Variants in CACNA1C observed in about 807,000 individuals in gnomAD.
The protein encoded by CACNA1C is voltage-dependent L-type calcium channel subunit alpha-1C.
CACNA1C carries 30 observed loss-of-function variants against 229.0 expected under a neutral mutation model. The ratio of observed to expected loss-of-function variants is 0.13; its 90% CI spans 0.10 to 0.18. The LOEUF (loss-of-function observed/expected upper bound fraction) is 0.18, where lower values mean the gene tolerates loss of function less well. CACNA1C is among the 10% of genes least tolerant of loss of function. The probability of loss-of-function intolerance (pLI) is 1.00; values close to 1 mark genes in which losing one functional copy is unlikely to be tolerated. For missense variants in CACNA1C, 1,658 were observed against 2,845.0 expected, an observed-to-expected ratio of 0.58 and a Z score of 9.49; for synonymous variants, 1,114 against 1,132.5, an observed-to-expected ratio of 0.98 and a Z score of 0.33.
At chr12:2,245,417 G>C (rs1220232306) in intron 3 of CACNA1C, among the ~76,000 whole-genome samples, 1 of 152,208 alleles carries the variant, frequency 6.6e-6, no homozygotes, top group Non-Finnish European at 1.5e-5. Flanking sequence ...TCTGAGCAGT[G>C]TGTTTCAGGT....
Position 2,488,851 on chromosome 12 carries a change from G to T in CACNA1C, c.916+2589G>T, listed in dbSNP as rs536920590. Among the ~76,000 whole-genome samples the T allele has an allele frequency of 6.6e-6, 1 of 152,144 alleles. No individual in the cohort carries two copies. Among genetic ancestry groups the T allele is most frequent in the Admixed American group, 6.5e-5 (1 of 15,282 alleles). On this transcript the variant is annotated intron_variant, in intron 6 of 46. Coordinates refer to ENST00000399655, the MANE Select transcript of CACNA1C (RefSeq NM_000719.7). The surrounding 1 kb of genome is among the most constrained non-coding windows in gnomAD (Gnocchi z 4.0). ...GCAATCAGGAGCTTGCTGTCCCTTC[G>T]TTCCCAAACCTGCCGTCTGATCACA...
chr12:2,589,062 C>T lies in CACNA1C; in HGVS notation c.2530+3158C>T, dbSNP rs541767307. On this transcript the variant is annotated intron_variant, in intron 18 of 46. Transcript: ENST00000399655. ...GAGGCTGAAGGAGTTTTTTCAGGAT[C>T]GTACAATCATCAGAGATGCTGAGAG... Among the ~76,000 whole-genome samples the T allele has an allele frequency of 1.8e-3, 273 of 152,160 alleles. 2 individuals are homozygous for T. The highest frequency in any genetic ancestry group is 6.3e-3 in the African/African-American group (263 of 41,514).
chr12:2,398,360 T>C (rs986995032), intron 3 of CACNA1C, among the ~76,000 whole-genome samples: 4 of 152,240 alleles, frequency 2.6e-5, no homozygotes, highest in South Asian at 4.1e-4. Context: ...TTTTCATCTC[T>C]AAATATAAAG....
At chr12:2,623,947 C>T (rs551121829) in intron 29 of CACNA1C, among the ~76,000 whole-genome samples, 148 of 152,280 alleles carry the variant, frequency 9.7e-4, no homozygotes, top group South Asian at 3.5e-3. Flanking sequence ...CCATCCGTGC[C>T]GTGCTCAGCA....
intron 27 of CACNA1C, among the ~76,000 whole-genome samples, chr12:2,609,220 C>T (rs1183307191): frequency 6.6e-6 from 1 of 152,100 alleles, no homozygotes; most frequent in Non-Finnish European, 1.5e-5. Context: ...AGTATCGTGA[C>T]AGGTTCTGTT....
Position 2,566,660 on chromosome 12 carries a change from G to C in CACNA1C, c.1669+78G>C. On this transcript the variant is annotated intron_variant, in intron 12 of 46. Coordinates refer to ENST00000399655, the MANE Select transcript of CACNA1C (RefSeq NM_000719.7). The surrounding 1 kb of genome is among the most constrained non-coding windows in gnomAD (Gnocchi z 4.0). ...AGGCCCAGGGGAGGGCATAACCACA[G>C]GCAGAAGGTGGAGGGGAAAGCAGCC... 8.0e-7 allele frequency: 1 copy of C among 1,255,658 alleles called. No homozygotes were observed. The highest frequency in any genetic ancestry group is 1.1e-6 in the Non-Finnish European group (1 of 904,880). The allele number at this position is 1,255,658 out of a possible 1,614,324, so 77.8% of individuals were successfully genotyped here.
At chr12:2,421,517 C>T (rs1437235816) in intron 3 of CACNA1C, among the ~76,000 whole-genome samples, 1 of 152,202 alleles carries the variant, frequency 6.6e-6, no homozygotes, top group Non-Finnish European at 1.5e-5. Context: ...CTCAGCCCAA[C>T]TAGAGTAGTC....
intron 13 of CACNA1C, among the ~76,000 whole-genome samples, chr12:2,568,265 T>C (rs1471913095): frequency 6.7e-6 from 1 of 150,208 alleles, no homozygotes; most frequent in Non-Finnish European, 1.5e-5. Context: ...CAGAAGTCAC[T>C]CCCAGACACA....
chr12:2,067,481 T>TGTGTGTGTGTGTGTGTGCGC lies in CACNA1C; in HGVS notation c.49+13871_49+13872insTGTGTGTGTGTGTGTGCGCG, dbSNP rs3085990. ...GTGTGTGTGTGTGTGTGTGTGTGTG[T>TGTGTGTGTGTGTGTGTGCGC]GCGCGCGTGTGCGTGCCTGTATGTA... is the stretch of plus-strand genomic sequence containing the variant. On this transcript the variant is annotated intron_variant, in intron 1 of 46. Transcript: ENST00000399655. The surrounding 1 kb of genome is among the most constrained non-coding windows in gnomAD (Gnocchi z 5.3). Among the ~76,000 whole-genome samples, 1 of 140,778 alleles carries TGTGTGTGTGTGTGTGTGCGC rather than the reference T, an allele frequency of 7.1e-6. No homozygotes were observed. Among genetic ancestry groups the TGTGTGTGTGTGTGTGTGCGC allele is most frequent in the South Asian group, 2.3e-4 (1 of 4,368 alleles). The allele number at this position is 140,778 out of a possible 152,430, so 92.4% of individuals were successfully genotyped here.
intron 3 of CACNA1C, among the ~76,000 whole-genome samples, chr12:2,305,709 G>A (rs139379661): frequency 1.1e-3 from 170 of 152,252 alleles, no homozygotes; most frequent in Middle Eastern, 6.8e-3. Flanking sequence ...TGGCCATGGT[G>A]GTGCATGCCT....
At chr12:2,332,556 T>A (rs1361743875) in intron 3 of CACNA1C, among the ~76,000 whole-genome samples, 1 of 152,222 alleles carries the variant, frequency 6.6e-6, no homozygotes, top group Non-Finnish European at 1.5e-5. Flanking sequence ...GCCCCATTTC[T>A]GCTCAAATAA....
chr12:2,291,210 G>T (rs540482066), intron 3 of CACNA1C, among the ~76,000 whole-genome samples: 2 of 152,290 alleles, frequency 1.3e-5, no homozygotes, highest in South Asian at 2.1e-4. Flanking sequence ...ACAATAAAAG[G>T]TCCTTCCTTT....
chr12:2,648,735 AATTCACTGTG>A (rs2094598793), intron 31 of CACNA1C, among the ~76,000 whole-genome samples: 1 of 152,124 alleles, frequency 6.6e-6, no homozygotes, highest in Non-Finnish European at 1.5e-5. Flanking sequence ...TTGGGGTGGT[AATTCACTGTG>A]ATCTTGACTA....
chr12:2,659,146 T>C (rs2095577564), intron 34 of CACNA1C, among the ~76,000 whole-genome samples: 2 of 152,218 alleles, frequency 1.3e-5, no homozygotes, highest in African/African-American at 2.4e-5. Flanking sequence ...TCACAGTCAC[T>C]CACCACTCAC....
chr12:2,277,332 T>TAGACAGAC (rs1282160208), intron 3 of CACNA1C, among the ~76,000 whole-genome samples: 14 of 116,984 alleles, frequency 1.2e-4, no homozygotes, highest in African/African-American at 3.8e-4. Flanking sequence ...CTCCTTCTAG[T>TAGACAGAC]AGACAGACAG....
At chr12:2,560,707 GTTCTC>G (rs1346209680) in intron 11 of CACNA1C, among the ~76,000 whole-genome samples, 2 of 152,084 alleles carry the variant, frequency 1.3e-5, no homozygotes, top group African/African-American at 2.4e-5. Context: ...TGCTTCCAAT[GTTCTC>G]TTCACTTCTG....
At chr12:2,308,469 C>A (rs567092703) in intron 3 of CACNA1C, among the ~76,000 whole-genome samples, 1 of 152,248 alleles carries the variant, frequency 6.6e-6, no homozygotes, top group African/African-American at 2.4e-5. Flanking sequence ...ATTCTTAGCA[C>A]CCTTGTCAAA....
rs145150653 is a variant in CACNA1C, at chr12:2,128,658, G to A, written c.477+8228G>A. 5.8e-3 allele frequency among the ~76,000 whole-genome samples: 886 copies of A among 152,166 alleles called. 10 individuals carry two copies. Among genetic ancestry groups the A allele is most frequent in the African/African-American group, 0.021 (854 of 41,506 alleles). ...GATCTCCTGACCTCGTGATCTGCCC[G>A]CCTCGGCCTCCCAAAATGCTGGGAT... On this transcript the variant is annotated intron_variant, in intron 3 of 46. Transcript: ENST00000399655.
At chr12:2,202,278 G>A (rs1458614456) in intron 3 of CACNA1C, among the ~76,000 whole-genome samples, 2 of 152,240 alleles carry the variant, frequency 1.3e-5, no homozygotes, top group East Asian at 1.9e-4. Context: ...GGACCTCACC[G>A]CTTGTTCAGC....
Sources: allele counts gnomAD v4.1 joint callset (sites outside exome capture counted in the v4.1 genomes callset), GRCh38; gene constraint gnomAD v4.1.1; non-coding constraint Gnocchi (gnomAD v3.1); transcripts MANE v1.5; gene names NCBI Gene and HGNC (gene_info 2026-07-23, HGNC 2026-07-21).